Variants in LMO7 observed in about 807,000 individuals in gnomAD.
The protein encoded by LMO7 is LIM domain 7.
A neutral mutation model predicts 206.5 loss-of-function variants in LMO7; 120 were observed. The observed-to-expected ratio is 0.58, with a 90% CI of 0.50 to 0.68. The LOEUF is 0.68. Ranked by LOEUF, LMO7 falls within the 30% of genes least tolerant of loss-of-function variation. LMO7 has a pLI of 0.00. For synonymous variants in LMO7, 706 were observed against 681.5 expected, an observed-to-expected ratio of 1.04 and a Z score of -0.56; for missense variants, 1,959 against 1,957.9, an observed-to-expected ratio of 1.00 and a Z score of -0.01.
chr13:75,835,411 T>C, intron 18 of LMO7, 72 bp downstream of exon 18: 1 of 942,780 alleles, frequency 1.1e-6, no homozygotes, highest in Non-Finnish European at 1.5e-6. Context: ...TGGAAGAAAA[T>C]AATTTCTTTT....
intron 1 of LMO7, among the ~76,000 whole-genome samples, chr13:75,652,676 C>T (rs2037700966): frequency 6.7e-6 from 1 of 149,642 alleles, no homozygotes; most frequent in Non-Finnish European, 1.5e-5. Flanking sequence ...TTTAGGTGCA[C>T]ATCATAGAAG....
intron 1 of LMO7, among the ~76,000 whole-genome samples, chr13:75,655,295 T>C (rs2037950875): frequency 6.6e-6 from 1 of 152,182 alleles, no homozygotes; most frequent in Non-Finnish European, 1.5e-5. Flanking sequence ...TGTAGAGTTT[T>C]TCCACAGTCT....
rs376196985 is a variant in LMO7, at chr13:75,830,509, C to T, written c.2950-2542C>T. On this transcript the variant is annotated intron_variant, in intron 15 of 30. Coordinates refer to ENST00000377534, the MANE Select transcript of LMO7 (RefSeq NM_001306080.2). ...GGTCACCTGGTTAATGACAGATATA[C>T]ACCTGTAATTGCCCATGTGGTCCTC... Among the ~76,000 whole-genome samples, 10 of 152,310 alleles carry T rather than the reference C, an allele frequency of 6.6e-5. No individual in the cohort carries two copies. The East Asian group carries it at 9.7e-4, about 15-fold the overall frequency.
At chr13:75,731,015 C>T (rs1243591986) in intron 3 of LMO7, among the ~76,000 whole-genome samples, 3 of 151,460 alleles carry the variant, frequency 2.0e-5, no homozygotes, top group Non-Finnish European at 4.4e-5. Context: ...AATTTCTGTT[C>T]TTTTACATTT....
rs528555745 is a variant in LMO7 at position 75,660,534 on chromosome 13, T to C, written c.69+23808T>C. 5.3e-5 allele frequency among the ~76,000 whole-genome samples: 8 copies of C among 152,354 alleles called. No homozygotes were observed. The East Asian group carries it at 1.3e-3, about 26-fold the overall frequency. On this transcript the variant is annotated intron_variant, in intron 1 of 30. Transcript: ENST00000377534. ...ACACTTGCATTTTCCAACTTCTTGA[T>C]TGGCTGGCTGATGGGGTGCAGTGCT...
chr13:75,736,363 A>G (rs1460690081), intron 3 of LMO7, among the ~76,000 whole-genome samples: 1 of 152,238 alleles, frequency 6.6e-6, no homozygotes, highest in Non-Finnish European at 1.5e-5. Flanking sequence ...CCTGTTTGTC[A>G]GGATGGTTAT....
intron 1 of LMO7, among the ~76,000 whole-genome samples, chr13:75,669,952 A>G (rs977418469): frequency 1.3e-5 from 2 of 152,258 alleles, no homozygotes; most frequent in East Asian, 1.9e-4. Context: ...TCTCTGGTCC[A>G]AGGTTTCCCT....
At chr13:75,751,418 C>G (rs977768126) in intron 3 of LMO7, among the ~76,000 whole-genome samples, 13 of 152,042 alleles carry the variant, frequency 8.6e-5, no homozygotes, top group Non-Finnish European at 1.6e-4. Flanking sequence ...GCTCAGCCTC[C>G]CAAAGTGCAG....
chr13:75,745,260 T>C (rs949520364), intron 3 of LMO7, among the ~76,000 whole-genome samples: 7 of 152,094 alleles, frequency 4.6e-5, no homozygotes, highest in African/African-American at 7.2e-5. Context: ...ATGGGCTTTG[T>C]TGGGTAGGCT....
At chr13:75,739,388 G>A (rs9593124) in intron 3 of LMO7, among the ~76,000 whole-genome samples, 12,019 of 152,230 alleles carry the variant, frequency 0.079, 682 homozygotes, top group Middle Eastern at 0.18. Context: ...AATGTGTAAG[G>A]CATGACCATA....
rs372689577 is a variant in LMO7 at position 75,800,700 on chromosome 13, G to C, written c.479G>C (p.Ser160Thr). ...QALTKALEDS[S>T]FLKRSGRDSG... is the part of the protein sequence containing the mutation. ...TTTCTTTAGGCACTCGAAGACTCCA[G>C]CTTCCTGAAAAGAAGTGGCAGGGAC... is the stretch of plus-strand genomic sequence containing the variant. Residue 160 changes from serine (S) to threonine (T), a missense_variant, in exon 7 of 31, where the codon AGC (serine) becomes ACC (threonine). Transcript: ENST00000377534. 41 of 1,613,960 alleles carry C rather than the reference G, an allele frequency of 2.5e-5. No homozygotes were observed. The highest frequency in any genetic ancestry group is 3.5e-5 in the Non-Finnish European group (41 of 1,179,960).
At chr13:75,827,545 G>T (rs908581320) in intron 15 of LMO7, among the ~76,000 whole-genome samples, 1 of 152,132 alleles carries the variant, frequency 6.6e-6, no homozygotes, top group Non-Finnish European at 1.5e-5. Flanking sequence ...CCTTTCTTTT[G>T]TGGTTTTGCT....
Position 75,780,439 on chromosome 13 carries a change from A to G in LMO7, c.318-14962A>G, listed in dbSNP as rs189619892. Among the ~76,000 whole-genome samples the G allele has an allele frequency of 3.0e-3, 452 of 152,340 alleles. 1 individual carries two copies. The highest frequency in any genetic ancestry group is 9.8e-3 in the African/African-American group (408 of 41,572). On this transcript the variant is annotated intron_variant, in intron 4 of 30. Transcript: ENST00000377534. ...TTATTCGTTTTGGAAGAAGAGAAAT[A>G]TGACTCTGTTCCGCCCGGCCCTGCA...
At chr13:75,621,707 G>A (rs763197298) in exon 1 of LMO7, 2 of 1,590,774 alleles carry the variant, frequency 1.3e-6, no homozygotes, top group Non-Finnish European at 1.7e-6. Context: ...AAGAAAATTA[G>A]GATATGCCAT....
chr13:75,731,191 T>A (rs2045166016), intron 3 of LMO7, among the ~76,000 whole-genome samples: 2 of 152,176 alleles, frequency 1.3e-5, no homozygotes, highest in Admixed American at 6.5e-5. Context: ...CCTTGTTGAC[T>A]TTCTGTCTCG....
At chr13:75,808,820 A>G (rs2055909084) in intron 10 of LMO7, among the ~76,000 whole-genome samples, 1 of 152,198 alleles carries the variant, frequency 6.6e-6, no homozygotes, top group Non-Finnish European at 1.5e-5. Flanking sequence ...ATGAATGTTC[A>G]GTTTGTGGAA....
At chr13:75,775,829 C>T (rs1434419715) in intron 4 of LMO7, among the ~76,000 whole-genome samples, 20 of 151,502 alleles carry the variant, frequency 1.3e-4, no homozygotes. Flanking sequence ...GGTGAAGATG[C>T]AGATAGAAGG....
chr13:75,705,444 CT>C (rs1469900488), intron 1 of LMO7, among the ~76,000 whole-genome samples: 1 of 152,094 alleles, frequency 6.6e-6, no homozygotes, highest in Non-Finnish European at 1.5e-5. Flanking sequence ...ATTTAACTGC[CT>C]TAGGAAAATA....
At chr13:75,785,434 C>A (rs760168323) in intron 4 of LMO7, among the ~76,000 whole-genome samples, 1 of 151,948 alleles carries the variant, frequency 6.6e-6, no homozygotes, top group Admixed American at 6.5e-5. Flanking sequence ...CAATACTCAA[C>A]ATAATGATTG....
Sources: allele counts gnomAD v4.1 joint callset (sites outside exome capture counted in the v4.1 genomes callset), GRCh38; gene constraint gnomAD v4.1.1; transcripts MANE v1.5; gene names NCBI Gene and HGNC (gene_info 2026-07-23, HGNC 2026-07-21).